The following JMJD7 variants were observed in gnomAD, a reference collection of about 807,000 sequenced individuals.
JMJD7 encodes the protein jumonji domain containing 7, also known as bifunctional peptidase and (3S)-lysyl hydroxylase JMJD7.
In JMJD7, 41 loss-of-function variants were observed where a neutral mutation model predicts 41.1. That is an observed-to-expected ratio of 1.00 (90% confidence interval 0.78 to 1.30). The LOEUF is 1.30. Ranked by LOEUF, JMJD7 falls within the 50% of genes most tolerant of loss-of-function variation. The pLI is 0.00. For missense variants in JMJD7, 480 were observed against 420.7 expected (o/e 1.14, Z -1.23); for synonymous variants, 202 against 177.2 (o/e 1.14, Z -1.11).
intron 4 of JMJD7, 24 bp downstream of exon 4, chr15:41,835,668 G>A: frequency 6.2e-7 from 1 of 1,609,776 alleles, no homozygotes; most frequent in Non-Finnish European, 8.5e-7. Context: ...GAATACAAAG[G>A]TGGGGAAGGA....
At position 41,828,152 on chromosome 15, in the gene JMJD7, C is replaced by G; in HGVS notation, c.28C>G (p.Arg10Gly). 6.7e-7 allele frequency: 1 copy of G among 1,486,060 alleles called. No homozygotes were observed. The highest frequency in any genetic ancestry group is 8.9e-7 in the Non-Finnish European group (1 of 1,125,836). 92.1% of individuals were successfully genotyped at this position (1,486,060 alleles called of 1,614,324 possible). A position where few individuals can be genotyped will look rare whatever the true frequency, so the allele number is the denominator to read the frequency against. MAEAALEAVRSELREFPAAA... is the reference protein window; with the variant it reads MAEAALEAVGSELREFPAAA... ...GGCGGAGGCGGCTTTGGAAGCCGTG[C>G]GGAGCGAGTTACGAGAATTCCCGGC... The change falls in exon 1 of 8, where the codon CGG becomes GGG. Residue 10 changes from arginine to glycine, a missense_variant. Coordinates refer to ENST00000397299, the MANE Select transcript of JMJD7 (RefSeq NM_001114632.2).
chr15:41,835,922 C>T (rs2065306423), intron 4 of JMJD7: 1 of 575,528 alleles, frequency 1.7e-6, no homozygotes, highest in Non-Finnish European at 2.9e-6. Context: ...GGAGAACTTC[C>T]CCTCTTGTTG....
At position 41,837,189 on chromosome 15, in the gene JMJD7, C is replaced by T. The variant is rs371213518; in HGVS notation, c.*33C>T. On this transcript the variant is annotated 3_prime_UTR_variant, in exon 8 of 8. Transcript: ENST00000397299. ...CTGGTGAACACCACCAAGCACGCCT[C>T]GGGGGACGGAGCCAGCCCCTCCCTG... 72 of 1,493,204 alleles carry T rather than the reference C, an allele frequency of 4.8e-5. No individual in the cohort carries two copies. Among genetic ancestry groups the T allele is most frequent in the African/African-American group, 3.3e-4 (24 of 72,366 alleles). 92.5% of individuals were successfully genotyped at this position (1,493,204 alleles called of 1,614,324 possible).
intron 1 of JMJD7, among the ~76,000 whole-genome samples, chr15:41,834,502 G>A (rs895750697): frequency 3.3e-5 from 5 of 152,274 alleles, no homozygotes; most frequent in African/African-American, 1.2e-4. Flanking sequence ...CTTATGGGCT[G>A]GGTAGCAGCC....
Position 41,837,326 on chromosome 15 carries a change from A to G in JMJD7, c.*170A>G. ...TCTTGGAATGTGGTCATAAGGACTC[A>G]AGGTGCCAGGCAGGTCTGGGTGAGG... is the stretch of plus-strand genomic sequence containing the variant. On this transcript the variant is annotated 3_prime_UTR_variant, in exon 8 of 8. Coordinates refer to ENST00000397299, the MANE Select transcript of JMJD7 (RefSeq NM_001114632.2). The G allele has an allele frequency of 1.7e-6, 1 of 600,918 alleles. No individual in the cohort carries two copies. Among genetic ancestry groups the G allele is most frequent in the Non-Finnish European group, 3.0e-6 (1 of 338,696 alleles). The allele number at this position is 600,918 out of a possible 1,614,324, so 37.2% of individuals were successfully genotyped here.
intron 1 of JMJD7, among the ~76,000 whole-genome samples, chr15:41,834,394 C>A (rs144216722): frequency 2.6e-5 from 4 of 152,230 alleles, no homozygotes; most frequent in Non-Finnish European, 5.9e-5. Context: ...AATGCCACTT[C>A]CATGGTGGCC....
intron 1 of JMJD7, among the ~76,000 whole-genome samples, chr15:41,834,149 T>A (rs2065274246): frequency 6.6e-6 from 1 of 152,218 alleles, no homozygotes; most frequent in Non-Finnish European, 1.5e-5. Flanking sequence ...AGCCGAGCCC[T>A]TCCTTTTCCT....
intron 2 of JMJD7, 22 bp downstream of exon 2, chr15:41,834,915 G>C (rs1400828386): frequency 6.2e-7 from 1 of 1,613,598 alleles, no homozygotes. Context: ...CCTGGGGTCA[G>C]GTGTGAGCAG....
At chr15:41,835,327 C>T in intron 3 of JMJD7, 104 bp downstream of exon 3, 11 of 1,465,180 alleles carry the variant, frequency 7.5e-6, no homozygotes, top group Non-Finnish European at 1.0e-5. Flanking sequence ...TGGGCTTGGT[C>T]CTGTCAGCAT....
In JMJD7 at chr15:41,836,211, A is replaced by T. The variant is rs1267441528; in HGVS notation, c.593A>T (p.His198Leu). ...VVSGEKHFLF[H>L]PPSDRPFIPY... The stretch of plus-strand genomic sequence containing the variant: ...TCAGGAGAGAAGCATTTCCTGTTCC[A>T]TCCGCCCAGCGACCGGCCCTTCATC... The change falls in exon 5 of 8, where the codon CAT (histidine) becomes CTT (leucine). Residue 198 changes from histidine to leucine, a missense_variant. Physicochemically the swap from His to Leu is moderately conservative, Grantham distance 99 (BLOSUM62 -3). Transcript: ENST00000397299. 1 of 1,612,906 alleles carries T rather than the reference A, an allele frequency of 6.2e-7. No individual in the cohort carries two copies.
In JMJD7 at chr15:41,828,179, G is replaced by T. The variant is rs1340507784; in HGVS notation, c.55G>T (p.Ala19Ser). 1.3e-6 allele frequency: 2 copies of T among 1,495,184 alleles called. No individual in the cohort carries two copies. The highest frequency in any genetic ancestry group is 2.7e-5 in the East Asian group (1 of 36,576). The allele number at this position is 1,495,184 out of a possible 1,614,324, so 92.6% of individuals were successfully genotyped here. A position where few individuals can be genotyped will look rare whatever the true frequency, so the allele number is the denominator to read the frequency against. Reference protein sequence around the residue: ...VRSELREFPAAARELCVPLAV... With the variant: ...VRSELREFPASARELCVPLAV... Reference sequence around the variant, plus strand: ...GAGCGAGTTACGAGAATTCCCGGCCGCTGCAAGGGGTGAGTGGCTCTCCCA... The same window carrying T: ...GAGCGAGTTACGAGAATTCCCGGCCTCTGCAAGGGGTGAGTGGCTCTCCCA... Residue 19 changes from alanine (A) to serine (S), a missense_variant, in exon 1 of 8, where the codon GCT becomes TCT. Transcript: ENST00000397299.
chr15:41,836,133 T>C lies in JMJD7; in HGVS notation c.530-15T>C. On this transcript the variant is annotated splice_polypyrimidine_tract_variant and intron_variant, in intron 4 of 7. Transcript: ENST00000397299. Reference sequence around the variant, plus strand: ...CCCTCCATACCCTGCCCCCGGGCCTTCTTTCTGTTGGCAGTGCACAAGGAC... The same window carrying C: ...CCCTCCATACCCTGCCCCCGGGCCTCCTTTCTGTTGGCAGTGCACAAGGAC... 1 of 1,577,530 alleles carries C rather than the reference T, an allele frequency of 6.3e-7. No homozygotes were observed. Among genetic ancestry groups the C allele is most frequent in the Non-Finnish European group, 8.6e-7 (1 of 1,159,266 alleles).
At chr15:41,832,480 T>G in intron 1 of JMJD7, 1 of 153,090 alleles carries the variant, frequency 6.5e-6, no homozygotes, top group South Asian at 2.0e-4. Context: ...AACAGGAAGA[T>G]GTACTGAGCC....
Position 41,837,383 on chromosome 15 carries a change from A to T in JMJD7, c.*227A>T. On this transcript the variant is annotated 3_prime_UTR_variant, in exon 8 of 8. Transcript: ENST00000397299. ...AGGAAGTTGCCACACAGGTGAGCAG[A>T]GTGGGGATCAGGTGCAGCGGCACCT... The T allele has an allele frequency of 1.8e-6, 1 of 565,578 alleles. No homozygotes were observed. The highest frequency in any genetic ancestry group is 2.2e-5 in the South Asian group (1 of 45,088). The allele number at this position is 565,578 out of a possible 1,614,324, so 35.0% of individuals were successfully genotyped here. A position where few individuals can be genotyped will look rare whatever the true frequency, so the allele number is the denominator to read the frequency against.
intron 1 of JMJD7, chr15:41,828,403 C>T (rs570853968): frequency 4.3e-5 from 21 of 486,706 alleles, no homozygotes; most frequent in Non-Finnish European, 7.1e-5. Context: ...GGCCCGGTGC[C>T]GTCTTGACCG....
intron 3 of JMJD7, 136 bp downstream of exon 3, chr15:41,835,359 A>T: frequency 7.3e-7 from 1 of 1,372,160 alleles, no homozygotes; most frequent in Non-Finnish European, 9.7e-7. Flanking sequence ...CACTAAATAC[A>T]TTCCCAGGCC....
intron 1 of JMJD7, 49 bp downstream of exon 1, chr15:41,828,237 C>A: frequency 2.0e-6 from 3 of 1,479,344 alleles, no homozygotes; most frequent in Non-Finnish European, 2.7e-6. Flanking sequence ...ACGGGAGGGG[C>A]CCTGGGATGC....
chr15:41,833,450 T>G lies in JMJD7; in HGVS notation c.65-1290T>G, dbSNP rs374825469. 1.2e-4 allele frequency among the ~76,000 whole-genome samples: 16 copies of G among 136,560 alleles called. No homozygotes were observed. In the East Asian group the frequency reaches 2.9e-3, roughly 25 times the overall value. 89.6% of individuals were successfully genotyped at this position (136,560 alleles called of 152,430 possible). On this transcript the variant is annotated intron_variant, in intron 1 of 7. Coordinates refer to ENST00000397299, the MANE Select transcript of JMJD7 (RefSeq NM_001114632.2). ...TTTTTTTTTTTTTTGAGATAAAGTCTTGCTCTGTCACCCAGGCTGGAGTGC... is the reference window on the plus strand; with the variant it reads ...TTTTTTTTTTTTTTGAGATAAAGTCGTGCTCTGTCACCCAGGCTGGAGTGC...
At chr15:41,829,242 T>C (rs1268550558) in intron 1 of JMJD7, 2 of 152,144 alleles carry the variant, frequency 1.3e-5, no homozygotes, top group Non-Finnish European at 2.9e-5. Context: ...CTGATGTGTT[T>C]AGGAAACAGT....
Sources: gnomAD v4.1 joint callset for allele counts (sites outside exome capture counted in the v4.1 genomes callset) on GRCh38, gnomAD v4.1.1 for gene constraint, MANE v1.5 for transcripts, NCBI Gene and HGNC (gene_info 2026-07-23, HGNC 2026-07-21) for gene names.